ANKS1B: variants seen among roughly 807,000 people sequenced by gnomAD.
ANKS1B encodes the protein ankyrin repeat and sterile alpha motif domain containing 1B, also known as ankyrin repeat and sterile alpha motif domain-containing protein 1B.
Under a neutral mutation model 148.3 loss-of-function variants are expected in ANKS1B, and 36 were observed. The ratio of observed to expected loss-of-function variants is 0.24; its 90% CI spans 0.19 to 0.32. The LOEUF is 0.32. ANKS1B is among the 10% of genes least tolerant of loss of function. The pLI is 1.00. For synonymous variants in ANKS1B, 542 were observed against 560.8 expected, an observed-to-expected ratio of 0.97 and a Z score of 0.47; for missense variants, 1,157 against 1,542.6, an observed-to-expected ratio of 0.75 and a Z score of 4.19.
At chr12:99,153,302 G>A (rs934541198) in intron 15 of ANKS1B, among the ~76,000 whole-genome samples, 3 of 152,120 alleles carry the variant, frequency 2.0e-5, no homozygotes, top group Non-Finnish European at 4.4e-5. Flanking sequence ...AGCTGCAGGT[G>A]TCAGCCCTAT....
intron 9 of ANKS1B, among the ~76,000 whole-genome samples, chr12:99,553,867 A>C (rs965091507): frequency 1.3e-5 from 2 of 152,298 alleles, no homozygotes; most frequent in East Asian, 3.9e-4. Context: ...GTCCAATTAG[A>C]ATGTCTTTAC....
chr12:99,322,070 CA>C (rs2085382224), intron 12 of ANKS1B, among the ~76,000 whole-genome samples: 1 of 152,090 alleles, frequency 6.6e-6, no homozygotes, highest in Admixed American at 6.5e-5. Context: ...ATGTTTATTG[CA>C]GCACTATTTA....
chr12:98,929,942 C>T (rs1260974334), intron 17 of ANKS1B, among the ~76,000 whole-genome samples: 1 of 151,974 alleles, frequency 6.6e-6, no homozygotes, highest in East Asian at 1.9e-4. Context: ...TAATGGACAT[C>T]ATCAAAATTA....
At chr12:99,234,686 G>C (rs1446567207) in intron 14 of ANKS1B, among the ~76,000 whole-genome samples, 1 of 151,862 alleles carries the variant, frequency 6.6e-6, no homozygotes, top group Non-Finnish European at 1.5e-5. Context: ...TTCTGTCAAT[G>C]GGGAAACTGA....
chr12:99,772,985 G>C lies in ANKS1B; in HGVS notation c.1065C>G (p.His355Gln). The part of the protein sequence containing the change: ...FEDLCHTISD[H>Q]YLDNLSKISE... The stretch of plus-strand genomic sequence containing the variant: ...AAATCTTGCTCAAATTATCTAAGTA[G>C]TGGTCTGATATTGTGTGGCACAAGT... The change falls in exon 8 of 27, where the codon CAC becomes CAG. Residue 355 changes from histidine to glutamine, a missense_variant. His to Gln is a conservative substitution (Grantham distance 24, BLOSUM62 0). This residue lies in a region of ANKS1B where 661 missense variants were observed against 642.1 expected (regional missense o/e 1.03). Coordinates refer to ENST00000683438, the MANE Select transcript of ANKS1B (RefSeq NM_001352186.2). 6.2e-7 allele frequency: 1 copy of C among 1,612,374 alleles called. No homozygotes were observed. Among genetic ancestry groups the C allele is most frequent in the Non-Finnish European group, 8.5e-7 (1 of 1,178,970 alleles).
intron 17 of ANKS1B, among the ~76,000 whole-genome samples, chr12:99,015,615 C>G (rs2099941992): frequency 6.6e-6 from 1 of 152,118 alleles, no homozygotes; most frequent in African/African-American, 2.4e-5. Flanking sequence ...GCCTGTAATC[C>G]CAGCACTTTG....
At chr12:99,178,650 A>G (rs1238513423) in intron 14 of ANKS1B, among the ~76,000 whole-genome samples, 3 of 152,212 alleles carry the variant, frequency 2.0e-5, no homozygotes, top group Non-Finnish European at 4.4e-5. Flanking sequence ...CCCTATTGTT[A>G]TTATATTTTT....
At chr12:99,226,099 G>A (rs2085894487) in intron 14 of ANKS1B, among the ~76,000 whole-genome samples, 1 of 152,078 alleles carries the variant, frequency 6.6e-6, no homozygotes. Context: ...GATAGGCAGA[G>A]TATAAACATA....
chr12:98,971,293 G>A lies in ANKS1B; in HGVS notation c.2778+81864C>T, dbSNP rs1015746023. Among the ~76,000 whole-genome samples the A allele has an allele frequency of 1.1e-4, 17 of 152,318 alleles. No individual in the cohort carries two copies. In the South Asian group the frequency reaches 2.3e-3, roughly 20 times the overall value. On this transcript the variant is annotated intron_variant, in intron 17 of 26. Coordinates refer to ENST00000683438, the MANE Select transcript of ANKS1B (RefSeq NM_001352186.2). ...ACATTAATTAAATGAGATAACTGAT[G>A]TGAAAATGCCTGATGTAAATATTTG... is the stretch of plus-strand genomic sequence containing the variant.
chr12:99,144,836 A>T (rs2072419641), intron 15 of ANKS1B, among the ~76,000 whole-genome samples: 1 of 152,008 alleles, frequency 6.6e-6, no homozygotes. Flanking sequence ...GACCAAGGAG[A>T]TAGGTCCAGA....
chr12:98,890,580 G>T (rs2099750451), intron 17 of ANKS1B, among the ~76,000 whole-genome samples: 1 of 152,182 alleles, frequency 6.6e-6, no homozygotes, highest in African/African-American at 2.4e-5. Context: ...ATAGGGAAAT[G>T]AGACTTTTAT....
chr12:98,788,705 C>T (rs904805461), intron 22 of ANKS1B, among the ~76,000 whole-genome samples: 7 of 152,194 alleles, frequency 4.6e-5, no homozygotes, highest in East Asian at 3.9e-4. Flanking sequence ...TGATGCTGCA[C>T]GTCTGAGACC....
chr12:99,750,272 C>G (rs2060984450), intron 8 of ANKS1B, among the ~76,000 whole-genome samples: 1 of 151,922 alleles, frequency 6.6e-6, no homozygotes, highest in African/African-American at 2.4e-5. Flanking sequence ...ATATAATAAG[C>G]AAATGCTTAG....
Position 99,359,849 on chromosome 12 carries a change from TCC to T in ANKS1B, c.1756+39780_1756+39781del, listed in dbSNP as rs1361252812. On this transcript the variant is annotated intron_variant, in intron 12 of 26. Coordinates refer to ENST00000683438, the MANE Select transcript of ANKS1B (RefSeq NM_001352186.2). ...TAATTATTTCTGTTTATTTTATATATCCTGATAGTAATATAAATACCAATTAC... is the reference window on the plus strand; with the variant it reads ...TAATTATTTCTGTTTATTTTATATATTGATAGTAATATAAATACCAATTAC... Among the ~76,000 whole-genome samples, 105 of 152,314 alleles carry T rather than the reference TCC, an allele frequency of 6.9e-4. 2 individuals carry two copies. In the South Asian group the frequency reaches 0.021, roughly 30 times the overall value.
chr12:99,339,939 T>G (rs73383346), intron 12 of ANKS1B, among the ~76,000 whole-genome samples: 2,325 of 152,274 alleles, frequency 0.015, 67 homozygotes, highest in African/African-American at 0.054. Flanking sequence ...TGAGGGTCAC[T>G]GAAATGTTCT....
chr12:99,574,091 A>G (rs954223048), intron 9 of ANKS1B, among the ~76,000 whole-genome samples: 3 of 152,178 alleles, frequency 2.0e-5, no homozygotes, highest in African/African-American at 7.2e-5. Context: ...GTGTTTTGTC[A>G]GTGGGTTTAT....
chr12:99,216,167 G>A (rs544543705), intron 14 of ANKS1B, among the ~76,000 whole-genome samples: 31 of 152,254 alleles, frequency 2.0e-4, no homozygotes, highest in African/African-American at 6.0e-4. Context: ...TTTGCACTTC[G>A]TTTGCCTTCT....
intron 17 of ANKS1B, among the ~76,000 whole-genome samples, chr12:98,911,906 C>A (rs936534190): frequency 6.6e-6 from 1 of 152,222 alleles, no homozygotes; most frequent in Non-Finnish European, 1.5e-5. Context: ...AAACCCTTTC[C>A]TATCCCTCAG....
chr12:99,527,771 A>G (rs2096941434), intron 9 of ANKS1B, among the ~76,000 whole-genome samples: 1 of 152,142 alleles, frequency 6.6e-6, no homozygotes, highest in African/African-American at 2.4e-5. Flanking sequence ...TTTTGTTGGT[A>G]GTTGTGAATG....
Sources: allele counts gnomAD v4.1 joint callset (sites outside exome capture counted in the v4.1 genomes callset), GRCh38; gene constraint gnomAD v4.1.1; regional missense constraint gnomAD v4.1.1; transcripts MANE v1.5; gene names NCBI Gene and HGNC (gene_info 2026-07-23, HGNC 2026-07-21).